The following HS3ST4 variants were observed in gnomAD, a reference collection of about 807,000 sequenced individuals.
HS3ST4 encodes the protein heparan sulfate-glucosamine 3-sulfotransferase 4.
Under a neutral mutation model 29.2 loss-of-function variants are expected in HS3ST4, and 17 were observed. That is an observed-to-expected ratio of 0.58 (90% confidence interval 0.40 to 0.87). The LOEUF (loss-of-function observed/expected upper bound fraction) is 0.87. Among genes scored for constraint, HS3ST4 ranks in the 40% least tolerant of loss-of-function variants. The probability of loss-of-function intolerance (pLI) is 0.00; values close to 1 mark genes in which losing one functional copy is unlikely to be tolerated. For missense variants in HS3ST4, 627 were observed against 634.5 expected (o/e 0.99, Z 0.13); for synonymous variants, 314 against 285.7 (o/e 1.10, Z -1.00).
intron 1 of HS3ST4, among the ~76,000 whole-genome samples, chr16:26,116,747 A>G (rs1899206716): frequency 6.6e-6 from 1 of 152,176 alleles, no homozygotes; most frequent in Non-Finnish European, 1.5e-5. Flanking sequence ...TCATCCATTC[A>G]TCCATCTACT....
At position 25,692,898 on chromosome 16, in the gene HS3ST4, G is replaced by T; in HGVS notation, c.481G>T (p.Ala161Ser). Reference protein sequence around the residue: ...TAQSALPEREAQESSTTDEDL... With the variant: ...TAQSALPERESQESSTTDEDL... ...TCAGAGCGCGCTGCCGGAGAGGGAA[G>T]CGCAGGAGTCCAGCACCACCGACGA... Residue 161 changes from alanine (A) to serine (S), a missense_variant, in exon 1 of 2, where the codon GCG (alanine) becomes TCG (serine). Physicochemically the swap from Ala to Ser is moderately conservative, Grantham distance 99. Transcript: ENST00000331351. 6.3e-7 allele frequency: 1 copy of T among 1,582,324 alleles called. No homozygotes were observed.
chr16:25,725,102 A>T (rs1461751406), intron 1 of HS3ST4, among the ~76,000 whole-genome samples: 1 of 147,434 alleles, frequency 6.8e-6, no homozygotes, highest in Non-Finnish European at 1.5e-5. Flanking sequence ...ATGATACAGG[A>T]TACTTTTAAT....
At chr16:25,955,146 A>G (rs932558599) in intron 1 of HS3ST4, among the ~76,000 whole-genome samples, 2 of 152,084 alleles carry the variant, frequency 1.3e-5, no homozygotes, top group African/African-American at 4.8e-5. Flanking sequence ...TTGTCATTCA[A>G]AGCTCCTCTT....
At chr16:25,839,001 A>G (rs1057232848) in intron 1 of HS3ST4, among the ~76,000 whole-genome samples, 1 of 152,042 alleles carries the variant, frequency 6.6e-6, no homozygotes, top group African/African-American at 2.4e-5. Flanking sequence ...AGGTTTAGGG[A>G]CCTCTTCATT....
intron 1 of HS3ST4, among the ~76,000 whole-genome samples, chr16:25,744,529 G>A (rs530402936): frequency 1.3e-5 from 2 of 150,864 alleles, no homozygotes; most frequent in African/African-American, 4.8e-5. Flanking sequence ...ATTAGGCATG[G>A]TGTAACATGG....
intron 1 of HS3ST4, among the ~76,000 whole-genome samples, chr16:25,906,068 C>T (rs776637686): frequency 1.3e-5 from 2 of 152,122 alleles, no homozygotes; most frequent in Non-Finnish European, 2.9e-5. Context: ...ATTGAGTTGA[C>T]GTTGCAGCAT....
intron 1 of HS3ST4, among the ~76,000 whole-genome samples, chr16:25,699,328 T>A (rs1250071713): frequency 1.3e-5 from 2 of 152,172 alleles, no homozygotes; most frequent in Non-Finnish European, 2.9e-5. Context: ...TATTGCAACA[T>A]CCACAAAAGC....
chr16:25,895,589 C>G lies in HS3ST4; in HGVS notation c.734+202438C>G, dbSNP rs113046072. ...GTAACTGGATGCTGTGGACTGGGCG[C>G]CTTCACCAGCAAGGATTTATGTCTC... On this transcript the variant is annotated intron_variant, in intron 1 of 1. Transcript: ENST00000331351. Among the ~76,000 whole-genome samples the G allele has an allele frequency of 4.2e-3, 633 of 152,094 alleles. 7 individuals are homozygous for G. Among genetic ancestry groups the G allele is most frequent in the African/African-American group, 0.015 (606 of 41,492 alleles).
At chr16:25,894,905 G>A (rs1286172623) in intron 1 of HS3ST4, among the ~76,000 whole-genome samples, 2 of 152,144 alleles carry the variant, frequency 1.3e-5, no homozygotes, top group Admixed American at 6.6e-5. Context: ...TAGCAATTAT[G>A]TATTCATTCA....
At chr16:26,105,563 A>C (rs1567313317) in intron 1 of HS3ST4, among the ~76,000 whole-genome samples, 1 of 152,246 alleles carries the variant, frequency 6.6e-6, no homozygotes, top group Admixed American at 6.5e-5. Context: ...CCTACCGTGG[A>C]ATCCAGGCAG....
intron 1 of HS3ST4, among the ~76,000 whole-genome samples, chr16:26,001,263 A>G (rs540018362): frequency 2.6e-5 from 4 of 152,300 alleles, no homozygotes; most frequent in African/African-American, 9.6e-5. Flanking sequence ...ACCTACAAGT[A>G]TTTCGGGGTA....
chr16:25,752,182 T>C (rs1966726120), intron 1 of HS3ST4, among the ~76,000 whole-genome samples: 1 of 152,190 alleles, frequency 6.6e-6, no homozygotes, highest in Non-Finnish European at 1.5e-5. Context: ...GGGGTCACAG[T>C]CACTAATTAC....
At chr16:25,883,143 C>G (rs4787341) in intron 1 of HS3ST4, among the ~76,000 whole-genome samples, 108,948 of 148,160 alleles carry the variant, frequency 0.74, 40,132 homozygotes, top group African/African-American at 0.78. Flanking sequence ...CTGGCCCATA[C>G]GATTTTTTTT....
At chr16:25,915,867 C>T (rs1968288567) in intron 1 of HS3ST4, among the ~76,000 whole-genome samples, 1 of 152,164 alleles carries the variant, frequency 6.6e-6, no homozygotes, top group African/African-American at 2.4e-5. Context: ...TTTAACTTCT[C>T]CAAGACTCAG....
intron 1 of HS3ST4, among the ~76,000 whole-genome samples, chr16:25,854,783 T>A (rs1232068331): frequency 2.7e-5 from 3 of 112,912 alleles, no homozygotes. Context: ...GCGAGGTGTT[T>A]GTTGACAAAA....
chr16:26,087,291 A>G (rs948762979), intron 1 of HS3ST4, among the ~76,000 whole-genome samples: 6 of 152,238 alleles, frequency 3.9e-5, no homozygotes, highest in Admixed American at 2.0e-4. Context: ...TAGGATTTCA[A>G]TCATCTGGAC....
At chr16:26,048,256 C>T (rs6497912) in intron 1 of HS3ST4, among the ~76,000 whole-genome samples, 20,672 of 152,090 alleles carry the variant, frequency 0.14, 3,609 homozygotes, top group African/African-American at 0.4. Context: ...AACAAATGAA[C>T]GTAGGAACAA....
At chr16:25,913,117 CGT>C (rs1968256696) in intron 1 of HS3ST4, among the ~76,000 whole-genome samples, 1 of 152,180 alleles carries the variant, frequency 6.6e-6, no homozygotes, top group Admixed American at 6.5e-5. Flanking sequence ...CCTTGGGATC[CGT>C]AGAAAGGCAG....
intron 1 of HS3ST4, among the ~76,000 whole-genome samples, chr16:25,930,112 A>G (rs1968448452): frequency 6.6e-6 from 1 of 152,228 alleles, no homozygotes; most frequent in Non-Finnish European, 1.5e-5. Context: ...AGCTCCATCC[A>G]TGTTCCTGCA....
Sources: allele counts gnomAD v4.1 joint callset (sites outside exome capture counted in the v4.1 genomes callset), GRCh38; gene constraint gnomAD v4.1.1; transcripts MANE v1.5; gene names NCBI Gene and HGNC (gene_info 2026-07-23, HGNC 2026-07-21).